The following UBP1 variants were observed in gnomAD, a reference collection of about 807,000 sequenced individuals.
UBP1 encodes the protein upstream-binding protein 1.
UBP1 carries 22 observed loss-of-function variants against 76.1 expected under a neutral mutation model. The observed-to-expected ratio is 0.29, with a 90% CI of 0.21 to 0.41. UBP1 has a LOEUF of 0.41. Ranked by LOEUF, UBP1 falls within the 10% of genes least tolerant of loss-of-function variation. UBP1 has a pLI of 1.00. For missense variants in UBP1, 436 were observed against 668.1 expected (o/e 0.65, Z 3.83); for synonymous variants, 224 against 237.1 (o/e 0.94, Z 0.51).
At chr3:33,411,970 C>T (rs1458770220) in intron 4 of UBP1, among the ~76,000 whole-genome samples, 6 of 151,820 alleles carry the variant, frequency 4.0e-5, no homozygotes, top group African/African-American at 7.3e-5. Context: ...GTGGATAACC[C>T]GAGGTCAGGA....
Position 33,393,429 on chromosome 3 carries a change from T to C in UBP1, c.1416A>G (p.Glu472=). 1 of 1,609,774 alleles carries C rather than the reference T, an allele frequency of 6.2e-7. No individual in the cohort carries two copies. Among genetic ancestry groups the C allele is most frequent in the African/African-American group, 1.3e-5 (1 of 74,780 alleles). ...PYVYHAIYLE[E]MIASEVARKL... ...TTCGAGCAACTTCTGAGGCAATCAT[T>C]TCTTCCAAGTAGATTGCATGATAAA... Residue 472 remains glutamate (E), a synonymous_variant, in exon 14 of 16, where the codon GAA becomes GAG. Transcript: ENST00000283629.
At chr3:33,404,656 G>A (rs1467637458) in intron 8 of UBP1, among the ~76,000 whole-genome samples, 3 of 151,816 alleles carry the variant, frequency 2.0e-5, no homozygotes, top group East Asian at 3.9e-4. Flanking sequence ...TTGAAAAAAA[G>A]GAAAGAAAAA....
Position 33,390,030 on chromosome 3 carries a change from T to C in UBP1, c.*301A>G. 8.4e-6 allele frequency: 3 copies of C among 358,214 alleles called. No homozygotes were observed. The highest frequency in any genetic ancestry group is 1.5e-5 in the Non-Finnish European group (3 of 197,324). 22.2% of individuals were successfully genotyped at this position (358,214 alleles called of 1,614,324 possible). A position where few individuals can be genotyped will look rare whatever the true frequency, so the allele number is the denominator to read the frequency against. On this transcript the variant is annotated 3_prime_UTR_variant, in exon 16 of 16. Transcript: ENST00000283629. The stretch of plus-strand genomic sequence containing the variant: ...TACAGTGTAAAAAGACAGCAAAGGC[T>C]GCTTCTAGGAACTGTATTTACTGGC...
intron 9 of UBP1, among the ~76,000 whole-genome samples, chr3:33,402,227 A>T (rs1040269941): frequency 1.2e-4 from 18 of 152,230 alleles, no homozygotes; most frequent in Admixed American, 1.1e-3. Flanking sequence ...GATGCCCCAA[A>T]TGCAGTCTCT....
intron 3 of UBP1, among the ~76,000 whole-genome samples, chr3:33,414,653 G>A (rs1172642848): frequency 3.3e-5 from 5 of 152,162 alleles, no homozygotes; most frequent in Non-Finnish European, 5.9e-5. Context: ...AAAAAAGGAT[G>A]TAATTTCCAA....
At chr3:33,408,516 G>A (rs1379216892) in intron 8 of UBP1, among the ~76,000 whole-genome samples, 174 bp downstream of exon 8, 1 of 152,072 alleles carries the variant, frequency 6.6e-6, no homozygotes, top group Non-Finnish European at 1.5e-5. Flanking sequence ...TTAGATTTAG[G>A]AAATTTTCCT....
intron 5 of UBP1, among the ~76,000 whole-genome samples, chr3:33,410,221 C>T (rs180977479): frequency 6.6e-6 from 1 of 152,304 alleles, no homozygotes; most frequent in East Asian, 1.9e-4. Context: ...TGCCCTGTCT[C>T]CTAATACCCA....
chr3:33,426,232 G>C (rs1416570414), intron 1 of UBP1, among the ~76,000 whole-genome samples: 2 of 151,814 alleles, frequency 1.3e-5, no homozygotes, highest in Non-Finnish European at 2.9e-5. Context: ...GTTCCCTGCT[G>C]TGCCTTGGCA....
chr3:33,399,724 T>G (rs1035828036), intron 11 of UBP1, among the ~76,000 whole-genome samples: 1 of 152,200 alleles, frequency 6.6e-6, no homozygotes, highest in African/African-American at 2.4e-5. Context: ...TCCTGTCATC[T>G]TAATTGTGGT....
chr3:33,432,192 C>T (rs987037925), intron 1 of UBP1, among the ~76,000 whole-genome samples: 2 of 151,700 alleles, frequency 1.3e-5, no homozygotes, highest in South Asian at 2.1e-4. Context: ...GGCATGGTGG[C>T]GCATACTCAT....
At chr3:33,408,865 T>A (rs2044498876) in intron 7 of UBP1, 68 bp from the exon 8 acceptor site, 1 of 1,308,596 alleles carries the variant, frequency 7.6e-7, no homozygotes. Context: ...ACACCCTGTT[T>A]CATGTCTCTT....
In UBP1 at chr3:33,390,060, G is replaced by A; in HGVS notation, c.*271C>T. On this transcript the variant is annotated 3_prime_UTR_variant, in exon 16 of 16. Coordinates refer to ENST00000283629, the MANE Select transcript of UBP1 (RefSeq NM_014517.5). ...CTAGGAACTGTATTTACTGGCCTCT[G>A]CCAGAGCAGCAGGCAGCTATGCCTG... is the stretch of plus-strand genomic sequence containing the variant. 2 of 421,708 alleles carry A rather than the reference G, an allele frequency of 4.7e-6. No homozygotes were observed. Among genetic ancestry groups the A allele is most frequent in the Middle Eastern group, 1.3e-3 (2 of 1,568 alleles). The allele number at this position is 421,708 out of a possible 1,614,324, so 26.1% of individuals were successfully genotyped here. A position where few individuals can be genotyped will look rare whatever the true frequency, so the allele number is the denominator to read the frequency against.
At chr3:33,400,396 G>A (rs1181991442) in intron 10 of UBP1, 114 bp from the exon 11 acceptor site, 2 of 718,772 alleles carry the variant, frequency 2.8e-6, no homozygotes, top group East Asian at 6.5e-5. Context: ...AAGAGCATGA[G>A]TCTGACTCCA....
At chr3:33,421,979 G>C (rs998833806) in intron 2 of UBP1, among the ~76,000 whole-genome samples, 1 of 152,082 alleles carries the variant, frequency 6.6e-6, no homozygotes, top group Non-Finnish European at 1.5e-5. Context: ...GGGTGGCAGA[G>C]GTTGCAGTGA....
chr3:33,397,059 A>G lies in UBP1; in HGVS notation c.1257T>C (p.Asn419=). ...CGAADGIRLY[N]SLKSRSVRPR... is the part of the protein sequence containing the mutation. ...CAGTATTTTACCTTGACTTCAGTGA[A>G]TTATAGAGCCGAATTCCATCGGCTG... Residue 419 remains asparagine (N), a synonymous_variant, in exon 12 of 16, where the codon AAT becomes AAC. Transcript: ENST00000283629. 5.6e-6 allele frequency: 9 copies of G among 1,595,654 alleles called. No homozygotes were observed. Among genetic ancestry groups the G allele is most frequent in the Non-Finnish European group, 7.7e-6 (9 of 1,173,020 alleles).
chr3:33,394,248 T>C (rs552212688), intron 13 of UBP1, among the ~76,000 whole-genome samples: 7 of 150,756 alleles, frequency 4.6e-5, no homozygotes, highest in Admixed American at 1.3e-4. Context: ...GGTTTCACCA[T>C]GTTGCCCAAG....
intron 15 of UBP1, 192 bp downstream of exon 15, chr3:33,392,371 T>C: frequency 3.9e-6 from 2 of 518,794 alleles, no homozygotes; most frequent in Middle Eastern, 3.8e-4. Flanking sequence ...TCCAGTCATC[T>C]AGAAAGACTG....
At chr3:33,416,957 G>A (rs755162626) in intron 2 of UBP1, 123 bp from the exon 3 acceptor site, 28 of 791,804 alleles carry the variant, frequency 3.5e-5, no homozygotes, top group Non-Finnish European at 4.9e-5. Flanking sequence ...AATTTGCTAC[G>A]GAAGCAAATT....
chr3:33,429,053 G>A (rs144147783), intron 1 of UBP1, among the ~76,000 whole-genome samples: 129 of 152,238 alleles, frequency 8.5e-4, no homozygotes, highest in African/African-American at 3.0e-3. Context: ...AAATATACAT[G>A]ACTTACTAAC....
Sources: gnomAD v4.1 joint callset for allele counts (sites outside exome capture counted in the v4.1 genomes callset) on GRCh38, gnomAD v4.1.1 for gene constraint, MANE v1.5 for transcripts, NCBI Gene and HGNC (gene_info 2026-07-23, HGNC 2026-07-21) for gene names.